SLC6A3: variants seen among roughly 807,000 people sequenced by gnomAD.
SLC6A3 encodes sodium-dependent dopamine transporter.
Under a neutral mutation model 70.4 loss-of-function variants are expected in SLC6A3, and 19 were observed. That is an observed-to-expected ratio of 0.27 (90% confidence interval 0.19 to 0.40). The LOEUF (loss-of-function observed/expected upper bound fraction) is 0.40, where lower values mean the gene tolerates loss of function less well. SLC6A3 is among the 10% of genes least tolerant of loss of function. The probability of loss-of-function intolerance (pLI) is 1.00; values close to 1 mark genes in which losing one functional copy is unlikely to be tolerated. For synonymous variants in SLC6A3, 368 were observed against 356.6 expected (o/e 1.03, Z -0.36); for missense variants, 613 against 838.5 (o/e 0.73, Z 3.32).
rs1015859795 is a variant in SLC6A3 at position 1,436,504 on chromosome 5, C to T, written c.419-3806G>A. ...CCTCCTGTCTGACTCCCAGGAAGCT[C>T]GGCGCTAAGTGTGAATTTCAAGCAT... On this transcript the variant is annotated intron_variant, in intron 3 of 14. Coordinates refer to ENST00000270349, the MANE Select transcript of SLC6A3 (RefSeq NM_001044.5). The surrounding 1 kb of genome is among the most constrained non-coding windows in gnomAD (Gnocchi z 5.2). 5.3e-5 allele frequency among the ~76,000 whole-genome samples: 8 copies of T among 152,120 alleles called. No individual in the cohort carries two copies. The highest frequency in any genetic ancestry group is 9.7e-5 in the African/African-American group (4 of 41,410).
rs151013379 is a variant in SLC6A3, at chr5:1,413,023, C to T, written c.1156+1668G>A. On this transcript the variant is annotated intron_variant, in intron 8 of 14. Coordinates refer to ENST00000270349, the MANE Select transcript of SLC6A3 (RefSeq NM_001044.5). The surrounding 1 kb of genome is among the most constrained non-coding windows in gnomAD (Gnocchi z 7.1). Reference sequence around the variant, plus strand: ...AATGTAATGTCAACACCCGTGCCTTCGTTTCTGTACCTAAGTTAACATTTC... The same window carrying T: ...AATGTAATGTCAACACCCGTGCCTTTGTTTCTGTACCTAAGTTAACATTTC... Among the ~76,000 whole-genome samples the T allele has an allele frequency of 2.1e-3, 316 of 152,334 alleles. 2 individuals carry two copies. The highest frequency in any genetic ancestry group is 7.2e-3 in the African/African-American group (298 of 41,570).
chr5:1,418,986 A>G (rs866943269), intron 6 of SLC6A3, among the ~76,000 whole-genome samples: 7 of 147,226 alleles, frequency 4.8e-5, no homozygotes, highest in South Asian at 2.2e-4. Context: ...CCTATCATTC[A>G]TCCATCCACC....
In SLC6A3 at chr5:1,436,499, A is replaced by G. The variant is rs1367850276; in HGVS notation, c.419-3801T>C. On this transcript the variant is annotated intron_variant, in intron 3 of 14. Transcript: ENST00000270349. This position sits in a 1 kb window ranked among gnomAD's most constrained non-coding sequence, Gnocchi z 5.2. ...CCTTCCCTCCTGTCTGACTCCCAGG[A>G]AGCTCGGCGCTAAGTGTGAATTTCA... 2.0e-5 allele frequency among the ~76,000 whole-genome samples: 3 copies of G among 152,224 alleles called. No homozygotes were observed. The highest frequency in any genetic ancestry group is 4.4e-5 in the Non-Finnish European group (3 of 68,028).
chr5:1,406,169 G>A lies in SLC6A3; in HGVS notation c.1599+19C>T. 2 of 1,579,484 alleles carry A rather than the reference G, an allele frequency of 1.3e-6. No homozygotes were observed. Among genetic ancestry groups the A allele is most frequent in the Non-Finnish European group, 1.7e-6 (2 of 1,149,406 alleles). ...CAGTGGGCAGACGGGGGAAGGGCAG[G>A]TGGCCCGAGGTCCCTTACCAGGAGA... On this transcript the variant is annotated intron_variant, in intron 12 of 14. Coordinates refer to ENST00000270349, the MANE Select transcript of SLC6A3 (RefSeq NM_001044.5). This position sits in a 1 kb window ranked among gnomAD's most constrained non-coding sequence, Gnocchi z 8.8.
intron 4 of SLC6A3, among the ~76,000 whole-genome samples, chr5:1,429,477 A>C (rs1278402489): frequency 6.6e-6 from 1 of 152,228 alleles, no homozygotes; most frequent in African/African-American, 2.4e-5. Context: ...ACTTCCAAAT[A>C]GACTTCGCTA....
chr5:1,414,592 C>T (rs1053551710), intron 8 of SLC6A3, 99 bp downstream of exon 8: 18 of 1,389,858 alleles, frequency 1.3e-5, no homozygotes, highest in Non-Finnish European at 1.8e-5. Context: ...CGCTCAGGGC[C>T]CATGCGTCTC....
Position 1,438,756 on chromosome 5 carries a change from G to T in SLC6A3, c.418+2603C>A, listed in dbSNP as rs754452716. Among the ~76,000 whole-genome samples, 11 of 152,216 alleles carry T rather than the reference G, an allele frequency of 7.2e-5. No homozygotes were observed. The highest frequency in any genetic ancestry group is 1.3e-4 in the Non-Finnish European group (9 of 68,038). ...ACTGGCGGGAGTGGGGCACAGGGCT[G>T]TGCCTTGTAAGACACTTGTGACAGA... On this transcript the variant is annotated intron_variant, in intron 3 of 14. Coordinates refer to ENST00000270349, the MANE Select transcript of SLC6A3 (RefSeq NM_001044.5). The surrounding 1 kb of genome is among the most constrained non-coding windows in gnomAD (Gnocchi z 6.5).
intron 4 of SLC6A3, among the ~76,000 whole-genome samples, chr5:1,422,896 A>G (rs1273331273): frequency 4.8e-5 from 4 of 83,752 alleles, no homozygotes; most frequent in East Asian, 1.0e-3. Flanking sequence ...CGCTGCCCAC[A>G]GTGCTGCCCA....
At position 1,402,245 on chromosome 5, in the gene SLC6A3, T is replaced by C. The variant is rs914937821; in HGVS notation, c.1767+677A>G. On this transcript the variant is annotated intron_variant, in intron 13 of 14. Transcript: ENST00000270349. The surrounding 1 kb of genome is among the most constrained non-coding windows in gnomAD (Gnocchi z 8.5). ...GGGCGACCCTCTTCCAAGGAGGGAG[T>C]GTCCTTGTCTCTTCCTGGAACCACA... Among the ~76,000 whole-genome samples, 4 of 151,170 alleles carry C rather than the reference T, an allele frequency of 2.6e-5. No homozygotes were observed. Among genetic ancestry groups the C allele is most frequent in the African/African-American group, 9.7e-5 (4 of 41,052 alleles).
rs1352524954 is a variant in SLC6A3, at chr5:1,396,347, G to A, written c.1840-1589C>T. ...CCCAAATAAACAAAACACACGTGCCGATGACCTTCCAGACCATGGACACCA... is the reference window on the plus strand; with the variant it reads ...CCCAAATAAACAAAACACACGTGCCAATGACCTTCCAGACCATGGACACCA... On this transcript the variant is annotated intron_variant, in intron 14 of 14. Transcript: ENST00000270349. The surrounding 1 kb of genome is among the most constrained non-coding windows in gnomAD (Gnocchi z 7.0). Among the ~76,000 whole-genome samples, 3 of 152,208 alleles carry A rather than the reference G, an allele frequency of 2.0e-5. No individual in the cohort carries two copies. The highest frequency in any genetic ancestry group is 2.9e-5 in the Non-Finnish European group (2 of 68,040).
Position 1,438,054 on chromosome 5 carries a change from G to A in SLC6A3, c.418+3305C>T, listed in dbSNP as rs565011144. Among the ~76,000 whole-genome samples, 45 of 152,204 alleles carry A rather than the reference G, an allele frequency of 3.0e-4. No individual in the cohort carries two copies. The highest frequency in any genetic ancestry group is 5.9e-4 in the Non-Finnish European group (40 of 68,030). On this transcript the variant is annotated intron_variant, in intron 3 of 14. Transcript: ENST00000270349. This position sits in a 1 kb window ranked among gnomAD's most constrained non-coding sequence, Gnocchi z 6.5. ...CGCTTGACAGGTAGGCAGAACAAAC[G>A]GGACGCTGGCACCGGAACCTGCAGC...
In SLC6A3 at chr5:1,438,785, C is replaced by T. The variant is rs1021943010; in HGVS notation, c.418+2574G>A. ...CTTGTAAGACACTTGTGACAGACTC[C>T]AGGGTGGCTCTTGAAAATCCAGCAA... On this transcript the variant is annotated intron_variant, in intron 3 of 14. Coordinates refer to ENST00000270349, the MANE Select transcript of SLC6A3 (RefSeq NM_001044.5). This position sits in a 1 kb window ranked among gnomAD's most constrained non-coding sequence, Gnocchi z 6.5. 6.6e-6 allele frequency among the ~76,000 whole-genome samples: 1 copy of T among 152,202 alleles called. No homozygotes were observed. Among genetic ancestry groups the T allele is most frequent in the African/African-American group, 2.4e-5 (1 of 41,460 alleles).
At chr5:1,424,704 G>A (rs939411839) in intron 4 of SLC6A3, among the ~76,000 whole-genome samples, 1 of 152,232 alleles carries the variant, frequency 6.6e-6, no homozygotes. Context: ...TTCTCACAAG[G>A]TTGCGTCCAC....
At chr5:1,420,389 G>T (rs886454787) in intron 6 of SLC6A3, among the ~76,000 whole-genome samples, 180 bp downstream of exon 6, 1 of 152,210 alleles carries the variant, frequency 6.6e-6, no homozygotes, top group Non-Finnish European at 1.5e-5. Flanking sequence ...TGGAGTTTCT[G>T]ATGTAATTTG....
chr5:1,423,944 C>A (rs539305717), intron 4 of SLC6A3, among the ~76,000 whole-genome samples: 1 of 152,214 alleles, frequency 6.6e-6, no homozygotes, highest in Non-Finnish European at 1.5e-5. Context: ...TGGTGGAGCC[C>A]GGCCGAATGC....
chr5:1,395,946 C>A (rs1755707339), intron 14 of SLC6A3, among the ~76,000 whole-genome samples: 1 of 152,224 alleles, frequency 6.6e-6, no homozygotes, highest in African/African-American at 2.4e-5. Context: ...CAGAAGACAG[C>A]AGCCCACTCT....
At chr5:1,415,428 C>G (rs946149247) in intron 7 of SLC6A3, among the ~76,000 whole-genome samples, 1 of 152,176 alleles carries the variant, frequency 6.6e-6, no homozygotes, top group African/African-American at 2.4e-5. Flanking sequence ...CGCAGGTGGG[C>G]TGCGGGCAGG....
In SLC6A3 at chr5:1,416,156, C is replaced by G; in HGVS notation, c.973G>C (p.Gly325Arg). 1 of 1,613,974 alleles carries G rather than the reference C, an allele frequency of 6.2e-7. No homozygotes were observed. Among genetic ancestry groups the G allele is most frequent in the Non-Finnish European group, 8.5e-7 (1 of 1,180,000 alleles). The change falls in exon 7 of 15, where the codon GGG becomes CGG. Residue 325 changes from glycine (G) to arginine (R), a missense_variant. Gly to Arg is a moderately radical substitution (Grantham distance 125). Coordinates refer to ENST00000270349, the MANE Select transcript of SLC6A3 (RefSeq NM_001044.5). ...ATQVCFSLGV[G>R]FGVLIAFSSY... is the part of the protein sequence containing the mutation. ...GAGAAGGCGATCAGCACCCCGAACC[C>G]CACGCCCAGGGAGAAGCACACCTGG...
intron 7 of SLC6A3, among the ~76,000 whole-genome samples, chr5:1,415,295 C>G (rs1245385855): frequency 6.6e-6 from 1 of 152,074 alleles, no homozygotes; most frequent in African/African-American, 2.4e-5. Flanking sequence ...AAGCCGAGGA[C>G]GAAGAGGGAG....
Sources: gnomAD v4.1 joint callset for allele counts (sites outside exome capture counted in the v4.1 genomes callset) on GRCh38, gnomAD v4.1.1 for gene constraint, Gnocchi (gnomAD v3.1) non-coding constraint, MANE v1.5 for transcripts, NCBI Gene and HGNC (gene_info 2026-07-23, HGNC 2026-07-21) for gene names.